COG5: variants seen among roughly 807,000 people sequenced by gnomAD.
The protein encoded by COG5 is conserved oligomeric Golgi complex subunit 5.
Under a neutral mutation model 110.4 loss-of-function variants are expected in COG5, and 86 were observed. The observed-to-expected ratio is 0.78, with a 90% CI of 0.65 to 0.93. The LOEUF (loss-of-function observed/expected upper bound fraction) is 0.93, where lower values mean the gene tolerates loss of function less well. Among genes scored for constraint, COG5 ranks in the 40% least tolerant of loss-of-function variants. The pLI, the probability that COG5 is intolerant of heterozygous loss-of-function variation, is 0.00. For synonymous variants in COG5, 360 were observed against 334.6 expected (o/e 1.08, Z -0.83); for missense variants, 1,077 against 987.0 (o/e 1.09, Z -1.22).
At chr7:107,410,902 A>G (rs1792235402) in intron 7 of COG5, among the ~76,000 whole-genome samples, 1 of 152,152 alleles carries the variant, frequency 6.6e-6, no homozygotes, top group South Asian at 2.1e-4. Context: ...AAGGAGGGAA[A>G]GATTCTGAAA....
At chr7:107,272,773 G>T (rs562070231) in intron 14 of COG5, among the ~76,000 whole-genome samples, 1 of 152,224 alleles carries the variant, frequency 6.6e-6, no homozygotes, top group African/African-American at 2.4e-5. Context: ...TCCCATTACA[G>T]CGAGAATCTT....
intron 2 of COG5, among the ~76,000 whole-genome samples, chr7:107,555,595 A>C (rs183512874): frequency 6.6e-6 from 1 of 152,326 alleles, no homozygotes; most frequent in East Asian, 1.9e-4. Flanking sequence ...ACTTTTTAAA[A>C]ATTATCTATT....
chr7:107,294,713 CTTTTTTTTTTTTTTTTT>C lies in COG5; in HGVS notation c.1313+3412_1313+3428del, dbSNP rs796291188. Among the ~76,000 whole-genome samples the C allele has an allele frequency of 2.7e-3, 292 of 110,050 alleles. 3 individuals are homozygous for C. Among genetic ancestry groups the C allele is most frequent in the African/African-American group, 0.011 (276 of 25,700 alleles). The allele number at this position is 110,050 out of a possible 152,430, so 72.2% of individuals were successfully genotyped here. A position where few individuals can be genotyped will look rare whatever the true frequency, so the allele number is the denominator to read the frequency against. ...AAACCTCCTCATCTTAATTTTCTTT[CTTTTTTTTTTTTTTTTT>C]TTTGAGACAGAATCTTGCTCTGTTG... On this transcript the variant is annotated intron_variant, in intron 12 of 21. Coordinates refer to ENST00000297135, the MANE Select transcript of COG5 (RefSeq NM_006348.5).
chr7:107,543,511 A>AC (rs1416309756), intron 5 of COG5, among the ~76,000 whole-genome samples: 3 of 152,270 alleles, frequency 2.0e-5, no homozygotes, highest in African/African-American at 7.2e-5. Context: ...CAGGCCCCAG[A>AC]CCAGCCCTCG....
chr7:107,398,698 A>G (rs928815151), intron 7 of COG5, among the ~76,000 whole-genome samples: 2 of 152,214 alleles, frequency 1.3e-5, no homozygotes, highest in African/African-American at 4.8e-5. Context: ...AAGAAGCTAG[A>G]TACACAAGAT....
chr7:107,506,532 T>C (rs1362733895), intron 6 of COG5, among the ~76,000 whole-genome samples: 1 of 152,170 alleles, frequency 6.6e-6, no homozygotes, highest in African/African-American at 2.4e-5. Context: ...ATTAACTGTC[T>C]CTGCTGCACA....
At position 107,548,173 on chromosome 7, in the gene COG5, C is replaced by A. The variant is rs1584955394; in HGVS notation, c.355G>T (p.Ala119Ser). ...ALQGAVDRIK[A>S]KIVEPYNKIV... Reference sequence around the variant, plus strand: ...TTATTGTATGGTTCAACAATTTTTGCTTTTATCCTACAGGAAAAGAGAGGA... The same window carrying A: ...TTATTGTATGGTTCAACAATTTTTGATTTTATCCTACAGGAAAAGAGAGGA... The change falls in exon 5 of 22, where the codon GCA (alanine) becomes TCA (serine). Residue 119 changes from alanine (A) to serine (S), a missense_variant. Ala to Ser is a moderately conservative substitution (Grantham distance 99, BLOSUM62 1). Transcript: ENST00000297135. 6.2e-7 allele frequency: 1 copy of A among 1,613,718 alleles called. No homozygotes were observed. The highest frequency in any genetic ancestry group is 8.5e-7 in the Non-Finnish European group (1 of 1,179,696).
intron 7 of COG5, among the ~76,000 whole-genome samples, chr7:107,393,521 C>G (rs1023136811): frequency 6.6e-6 from 1 of 152,178 alleles, no homozygotes; most frequent in Non-Finnish European, 1.5e-5. Context: ...TAGCATAATG[C>G]TAACTTTATA....
chr7:107,508,503 G>GTCCC (rs1349015355), intron 6 of COG5, among the ~76,000 whole-genome samples: 1 of 152,194 alleles, frequency 6.6e-6, no homozygotes, highest in Non-Finnish European at 1.5e-5. Flanking sequence ...AGACTTAAAG[G>GTCCC]TCCCTGTCTG....
chr7:107,349,276 A>C (rs537971128), intron 10 of COG5, among the ~76,000 whole-genome samples: 1 of 152,314 alleles, frequency 6.6e-6, no homozygotes, highest in East Asian at 1.9e-4. Context: ...TTCACTTCTA[A>C]ACTGGAATCC....
chr7:107,503,101 C>G (rs184577120), intron 6 of COG5, among the ~76,000 whole-genome samples: 39 of 152,158 alleles, frequency 2.6e-4, no homozygotes, highest in Non-Finnish European at 4.7e-4. Flanking sequence ...AAGAGTTTTT[C>G]CTAGGTTTTC....
rs376188109 is a variant in COG5 at position 107,463,466 on chromosome 7, T to C, written c.539-50834A>G. ...GGGAAAGGGGACAGGGGAACACCTC[T>C]TTACATGCAGCAGCCCATGAATAGG... On this transcript the variant is annotated intron_variant, in intron 6 of 21. Transcript: ENST00000297135. 9.2e-5 allele frequency among the ~76,000 whole-genome samples: 14 copies of C among 152,210 alleles called. No individual in the cohort carries two copies. The East Asian group carries it at 1.7e-3, about 19-fold the overall frequency.
intron 12 of COG5, among the ~76,000 whole-genome samples, chr7:107,287,732 T>C (rs1241244271): frequency 1.3e-5 from 2 of 152,208 alleles, no homozygotes; most frequent in Non-Finnish European, 2.9e-5. Context: ...AATGGGATAA[T>C]ATACTGTGTG....
chr7:107,405,772 T>G (rs919706163), intron 7 of COG5, among the ~76,000 whole-genome samples: 2 of 152,164 alleles, frequency 1.3e-5, no homozygotes, highest in African/African-American at 2.4e-5. Flanking sequence ...TATTAGAAGG[T>G]GTGGCCTTTG....
chr7:107,326,612 C>T (rs1388783843), intron 10 of COG5, among the ~76,000 whole-genome samples: 1 of 151,986 alleles, frequency 6.6e-6, no homozygotes, highest in African/African-American at 2.4e-5. Flanking sequence ...AACTTGTATA[C>T]TGAAAACTAC....
rs139737036 is a variant in COG5, at chr7:107,533,518, T to C, written c.418-6161A>G. 1.7e-3 allele frequency among the ~76,000 whole-genome samples: 256 copies of C among 151,596 alleles called. 11 individuals carry two copies. Among genetic ancestry groups the C allele is most frequent in the African/African-American group, 5.9e-3 (240 of 40,944 alleles). The stretch of plus-strand genomic sequence containing the variant: ...AACAGCAGGAGAACTTCGTGAAGCA[T>C]ACACAAGTATCAATAGCCGAATAGA... On this transcript the variant is annotated intron_variant, in intron 5 of 21. Coordinates refer to ENST00000297135, the MANE Select transcript of COG5 (RefSeq NM_006348.5).
chr7:107,415,663 T>TAAC (rs1792671155), intron 6 of COG5, among the ~76,000 whole-genome samples: 1 of 151,290 alleles, frequency 6.6e-6, no homozygotes, highest in Non-Finnish European at 1.5e-5. Flanking sequence ...TTTATTACAG[T>TAAC]GTTAATTGCA....
At chr7:107,287,408 G>A (rs907732584) in intron 12 of COG5, among the ~76,000 whole-genome samples, 18 of 152,036 alleles carry the variant, frequency 1.2e-4, no homozygotes, top group African/African-American at 9.7e-5. Context: ...CTTCATAACC[G>A]TCCCCCAGCT....
In COG5 at chr7:107,258,266, T is replaced by C. The variant is rs373280339; in HGVS notation, c.1686+7A>G. 224 of 1,535,334 alleles carry C rather than the reference T, an allele frequency of 1.5e-4. No homozygotes were observed. The highest frequency in any genetic ancestry group is 1.9e-4 in the Non-Finnish European group (207 of 1,109,328). On this transcript the variant is annotated splice_region_variant and intron_variant, in intron 15 of 21. Coordinates refer to ENST00000297135, the MANE Select transcript of COG5 (RefSeq NM_006348.5). ...TTAAGTAAAAAAAAACTTAATAAAA[T>C]AGTTACCTTTGTTACTGATTGGTGC...
Sources: gnomAD v4.1 joint callset for allele counts (sites outside exome capture counted in the v4.1 genomes callset) on GRCh38, gnomAD v4.1.1 for gene constraint, MANE v1.5 for transcripts, NCBI Gene and HGNC (gene_info 2026-07-23, HGNC 2026-07-21) for gene names.